Variants in NKAIN2 observed in about 807,000 individuals in gnomAD.
NKAIN2 encodes sodium/potassium-transporting ATPase subunit beta-1-interacting protein 2.
In NKAIN2, 14 loss-of-function variants were observed where a neutral mutation model predicts 32.6. The ratio of observed to expected loss-of-function variants is 0.43; its 90% CI spans 0.28 to 0.67. The LOEUF is 0.67. Ranked by LOEUF, NKAIN2 falls within the 30% of genes least tolerant of loss-of-function variation. The pLI is 0.17. For synonymous variants in NKAIN2, 80 were observed against 87.2 expected, an observed-to-expected ratio of 0.92 and a Z score of 0.46; for missense variants, 198 against 258.3, an observed-to-expected ratio of 0.77 and a Z score of 1.60.
chr6:124,141,861 T>G (rs1787156170), intron 1 of NKAIN2, among the ~76,000 whole-genome samples: 1 of 152,182 alleles, frequency 6.6e-6, no homozygotes. Flanking sequence ...TAGATGATCT[T>G]GAATTGCAAC....
chr6:124,085,507 A>C (rs1291401783), intron 1 of NKAIN2, among the ~76,000 whole-genome samples: 1 of 151,096 alleles, frequency 6.6e-6, no homozygotes, highest in Non-Finnish European at 1.5e-5. Flanking sequence ...TCAAATCCCA[A>C]ATCTGGAGAT....
chr6:124,083,233 G>A (rs1784053219), intron 1 of NKAIN2, among the ~76,000 whole-genome samples: 2 of 151,666 alleles, frequency 1.3e-5, no homozygotes, highest in African/African-American at 4.8e-5. Context: ...CTGAAGATTA[G>A]TATACTCATC....
At chr6:124,032,890 G>A (rs1582962667) in intron 1 of NKAIN2, among the ~76,000 whole-genome samples, 1 of 152,098 alleles carries the variant, frequency 6.6e-6, no homozygotes, top group East Asian at 1.9e-4. Context: ...CTCTGGTAAT[G>A]TTTGTTTGCC....
At chr6:124,544,602 G>C (rs998694289) in intron 3 of NKAIN2, among the ~76,000 whole-genome samples, 1 of 151,894 alleles carries the variant, frequency 6.6e-6, no homozygotes, top group Admixed American at 6.6e-5. Context: ...GAATAGCCTA[G>C]GTTCTAAACT....
intron 1 of NKAIN2, among the ~76,000 whole-genome samples, chr6:124,101,102 A>T (rs1784867806): frequency 6.6e-6 from 1 of 152,188 alleles, no homozygotes; most frequent in Admixed American, 6.5e-5. Flanking sequence ...AGCCATATGT[A>T]TGTATTTCAA....
chr6:124,632,167 CTTAA>C (rs1341995062), intron 3 of NKAIN2, among the ~76,000 whole-genome samples: 1 of 152,104 alleles, frequency 6.6e-6, no homozygotes, highest in Non-Finnish European at 1.5e-5. Flanking sequence ...GAACACACAT[CTTAA>C]TTAAAATTAT....
intron 3 of NKAIN2, among the ~76,000 whole-genome samples, chr6:124,426,002 C>G (rs747542409): frequency 4.1e-4 from 63 of 152,102 alleles, no homozygotes; most frequent in Non-Finnish European, 2.8e-4. Flanking sequence ...AACTACTGGC[C>G]TTTATCTTCA....
At chr6:124,623,289 G>A (rs1783179361) in intron 3 of NKAIN2, among the ~76,000 whole-genome samples, 1 of 152,022 alleles carries the variant, frequency 6.6e-6, no homozygotes, top group Non-Finnish European at 1.5e-5. Flanking sequence ...CTCATCACAT[G>A]TATGATGGGG....
At chr6:124,372,310 A>G (rs1479851433) in intron 3 of NKAIN2, among the ~76,000 whole-genome samples, 1 of 152,168 alleles carries the variant, frequency 6.6e-6, no homozygotes, top group Admixed American at 6.5e-5. Context: ...ACAACATGAA[A>G]AAACAATATT....
In NKAIN2 at chr6:124,791,319, G is replaced by C; in HGVS notation, c.475-20G>C. On this transcript the variant is annotated intron_variant, in intron 4 of 6. Coordinates refer to ENST00000368417, the MANE Select transcript of NKAIN2 (RefSeq NM_001040214.3). ...TTGGTGCCTTTTTCTGATGTCTAAA[G>C]CATCTCTGTTTTGTTTCAGCTGGCA... is the stretch of plus-strand genomic sequence containing the variant. 1 of 1,600,136 alleles carries C rather than the reference G, an allele frequency of 6.2e-7. No individual in the cohort carries two copies. The highest frequency in any genetic ancestry group is 8.6e-7 in the Non-Finnish European group (1 of 1,168,940).
chr6:123,937,540 G>A (rs778145797), intron 1 of NKAIN2, among the ~76,000 whole-genome samples: 19 of 152,036 alleles, frequency 1.2e-4, no homozygotes, highest in East Asian at 7.7e-4. Context: ...GAAGAACAAC[G>A]TTTTCTATAA....
At chr6:123,991,631 G>A (rs1219811630) in intron 1 of NKAIN2, among the ~76,000 whole-genome samples, 1 of 152,116 alleles carries the variant, frequency 6.6e-6, no homozygotes, top group Admixed American at 6.6e-5. Flanking sequence ...GGGAGGCCTA[G>A]GTGGGTGGAT....
At chr6:124,807,940 G>A (rs933673913) in intron 5 of NKAIN2, among the ~76,000 whole-genome samples, 1 of 149,254 alleles carries the variant, frequency 6.7e-6, no homozygotes, top group African/African-American at 2.4e-5. Flanking sequence ...CCAGGAAGAA[G>A]TTGAATCTCC....
rs571141218 is a variant in NKAIN2, at chr6:124,246,037, C to T, written c.55-36968C>T. 4.6e-4 allele frequency among the ~76,000 whole-genome samples: 70 copies of T among 152,150 alleles called. 1 individual carries two copies. In the South Asian group the frequency reaches 0.014, roughly 31 times the overall value. Reference sequence around the variant, plus strand: ...AGTTTCAGATGATGAAATGTCATTTCTTCCCAGTATTTTACATTCAGCACC... The same window carrying T: ...AGTTTCAGATGATGAAATGTCATTTTTTCCCAGTATTTTACATTCAGCACC... On this transcript the variant is annotated intron_variant, in intron 1 of 6. Coordinates refer to ENST00000368417, the MANE Select transcript of NKAIN2 (RefSeq NM_001040214.3).
intron 3 of NKAIN2, among the ~76,000 whole-genome samples, chr6:124,385,920 TTCTC>T (rs1321518913): frequency 6.6e-6 from 1 of 152,146 alleles, no homozygotes; most frequent in African/African-American, 2.4e-5. Context: ...TAGACTTTAT[TTCTC>T]AGCATAATCT....
chr6:123,967,945 T>G (rs1778166187), intron 1 of NKAIN2, among the ~76,000 whole-genome samples: 1 of 152,098 alleles, frequency 6.6e-6, no homozygotes, highest in African/African-American at 2.4e-5. Flanking sequence ...AAGGGCTCAC[T>G]TAAGAAGAGG....
intron 3 of NKAIN2, among the ~76,000 whole-genome samples, chr6:124,375,826 A>C (rs1415556888): frequency 6.6e-6 from 1 of 152,106 alleles, no homozygotes; most frequent in African/African-American, 2.4e-5. Flanking sequence ...TTGTAGTCAG[A>C]ATAAACACCA....
chr6:123,975,928 G>A (rs1324219371), intron 1 of NKAIN2, among the ~76,000 whole-genome samples: 1 of 151,914 alleles, frequency 6.6e-6, no homozygotes, highest in Non-Finnish European at 1.5e-5. Context: ...TGTCGCGGGA[G>A]GGACCCCGTG....
chr6:124,810,526 T>A (rs372958261), intron 5 of NKAIN2, among the ~76,000 whole-genome samples: 3 of 152,130 alleles, frequency 2.0e-5, no homozygotes, highest in African/African-American at 7.2e-5. Flanking sequence ...GAGATATACC[T>A]AATGCTAGAT....
Sources: gnomAD v4.1 joint callset for allele counts (sites outside exome capture counted in the v4.1 genomes callset) on GRCh38, gnomAD v4.1.1 for gene constraint, MANE v1.5 for transcripts, NCBI Gene and HGNC (gene_info 2026-07-23, HGNC 2026-07-21) for gene names.